COLGALT2: variants seen among roughly 807,000 people sequenced by gnomAD.
COLGALT2 encodes collagen beta(1-O)galactosyltransferase 2, also known as procollagen galactosyltransferase 2.
COLGALT2 carries 49 observed loss-of-function variants against 73.4 expected under a neutral mutation model. That is an observed-to-expected ratio of 0.67 (90% CI 0.53 to 0.85). The LOEUF (loss-of-function observed/expected upper bound fraction) is 0.85, where lower values mean the gene tolerates loss of function less well. Among genes scored for constraint, COLGALT2 ranks in the 40% least tolerant of loss-of-function variants. The probability of loss-of-function intolerance (pLI) is 0.00; values close to 1 mark genes in which losing one functional copy is unlikely to be tolerated. For missense variants in COLGALT2, 722 were observed against 790.2 expected, an observed-to-expected ratio of 0.91 and a Z score of 1.03; for synonymous variants, 295 against 307.6, an observed-to-expected ratio of 0.96 and a Z score of 0.43.
Position 183,963,952 on chromosome 1 carries a change from T to C in COLGALT2, c.901A>G (p.Thr301Ala). ...AGGTTCTCGATGTCTTCCTGCAGTG[T>C]CTGATGGGGCTTCAGGGGGATGGGC... ...YLPIPLKPHQTLQEDIENLIH... is the reference protein window; with the variant it reads ...YLPIPLKPHQALQEDIENLIH... Residue 301 changes from threonine to alanine, a missense_variant, in exon 6 of 12, where the codon ACA becomes GCA. By Grantham distance (58) the Thr-to-Ala change is moderately conservative. Coordinates refer to ENST00000361927, the MANE Select transcript of COLGALT2 (RefSeq NM_015101.4). The C allele has an allele frequency of 6.2e-7, 1 of 1,613,316 alleles. No homozygotes were observed. Among genetic ancestry groups the C allele is most frequent in the Non-Finnish European group, 8.5e-7 (1 of 1,179,586 alleles).
chr1:184,020,467 G>C (rs1649143386), intron 1 of COLGALT2, among the ~76,000 whole-genome samples: 1 of 152,078 alleles, frequency 6.6e-6, no homozygotes, highest in Non-Finnish European at 1.5e-5. Context: ...AGTCCAAAAA[G>C]ACTCAGCCAT....
chr1:184,000,450 A>G (rs552652824), intron 1 of COLGALT2, among the ~76,000 whole-genome samples: 35 of 152,122 alleles, frequency 2.3e-4, no homozygotes, highest in African/African-American at 7.5e-4. Flanking sequence ...TACCCTCTCC[A>G]AATCAATACA....
chr1:183,992,263 T>C (rs768827384), intron 1 of COLGALT2, among the ~76,000 whole-genome samples: 3 of 152,236 alleles, frequency 2.0e-5, no homozygotes, highest in Non-Finnish European at 4.4e-5. Context: ...GTCAGACAGC[T>C]GGACTCATGA....
At chr1:183,963,780 GTAT>G in intron 6 of COLGALT2, 118 bp downstream of exon 6, 1 of 1,017,760 alleles carries the variant, frequency 9.8e-7, no homozygotes, top group Middle Eastern at 3.4e-4. Context: ...AAATAGCTAT[GTAT>G]TCAGCCAGGG....
chr1:184,000,908 C>T (rs1024780140), intron 1 of COLGALT2, among the ~76,000 whole-genome samples: 3 of 149,922 alleles, frequency 2.0e-5, no homozygotes, highest in Non-Finnish European at 4.4e-5. Flanking sequence ...CGGCTCACTG[C>T]AAGCTCTGCC....
Position 184,029,999 on chromosome 1 carries a change from A to T in COLGALT2, c.263+7096T>A, listed in dbSNP as rs1336325745. ...ATATGTATAGAAAGTTTCTAGAAAAATATGAAAGAAAGTGTTAATATTGGT... is the reference window on the plus strand; with the variant it reads ...ATATGTATAGAAAGTTTCTAGAAAATTATGAAAGAAAGTGTTAATATTGGT... On this transcript the variant is annotated intron_variant, in intron 1 of 11. Transcript: ENST00000361927. Among the ~76,000 whole-genome samples the T allele has an allele frequency of 2.6e-5, 4 of 152,240 alleles. No homozygotes were observed. The East Asian group carries it at 7.7e-4, about 29-fold the overall frequency.
At chr1:184,031,687 T>A (rs1649514081) in intron 1 of COLGALT2, among the ~76,000 whole-genome samples, 1 of 152,164 alleles carries the variant, frequency 6.6e-6, no homozygotes, top group South Asian at 2.1e-4. Flanking sequence ...TTATTTATAT[T>A]CTCTGTGCCT....
chr1:184,031,808 C>A (rs563235424), intron 1 of COLGALT2, among the ~76,000 whole-genome samples: 1 of 148,980 alleles, frequency 6.7e-6, no homozygotes, highest in East Asian at 2.0e-4. Context: ...ACAGTGCCTC[C>A]ATGAATGTAT....
rs770952748 is a variant in COLGALT2, at chr1:184,037,166, C to A, written c.192G>T (p.Ala64=). The A allele has an allele frequency of 2.5e-6, 4 of 1,603,786 alleles. No homozygotes were observed. In the African/African-American group the frequency reaches 5.4e-5, roughly 22 times the overall value. ...CGAGGAAGTGCGGCAGCGTGTGCGCCGCGTTGCGGGCGAGGACCGCCACGA... is the reference window on the plus strand; with the variant it reads ...CGAGGAAGTGCGGCAGCGTGTGCGCAGCGTTGCGGGCGAGGACCGCCACGA... ...TVLVAVLARN[A]AHTLPHFLGC... is the part of the protein sequence containing the mutation. The change falls in exon 1 of 12, where the codon GCG becomes GCT. Residue 64 remains alanine (A), a synonymous_variant. Coordinates refer to ENST00000361927, the MANE Select transcript of COLGALT2 (RefSeq NM_015101.4).
chr1:183,997,415 A>T (rs1035523469), intron 1 of COLGALT2, among the ~76,000 whole-genome samples: 4 of 152,152 alleles, frequency 2.6e-5, no homozygotes, highest in Admixed American at 2.0e-4. Context: ...TTCTCGGCCA[A>T]TAATCTCTAG....
intron 1 of COLGALT2, among the ~76,000 whole-genome samples, chr1:183,991,100 C>A (rs193281424): frequency 1.3e-5 from 2 of 152,090 alleles, no homozygotes; most frequent in African/African-American, 4.8e-5. Context: ...GGGTTTTCTG[C>A]GAAAGGTGTG....
At chr1:184,019,125 C>T (rs1558339707) in intron 1 of COLGALT2, among the ~76,000 whole-genome samples, 1 of 152,172 alleles carries the variant, frequency 6.6e-6, no homozygotes, top group Non-Finnish European at 1.5e-5. Context: ...TAGCAACTCA[C>T]TTCTTGGTTG....
intron 1 of COLGALT2, among the ~76,000 whole-genome samples, chr1:184,009,347 T>C (rs1415827668): frequency 6.6e-6 from 1 of 152,228 alleles, no homozygotes; most frequent in Admixed American, 6.5e-5. Context: ...TCAACATAAT[T>C]TCCTTCAATC....
At chr1:184,006,590 A>G (rs71632200) in intron 1 of COLGALT2, among the ~76,000 whole-genome samples, 1 of 131,318 alleles carries the variant, frequency 7.6e-6, no homozygotes, top group African/African-American at 2.9e-5. Context: ...ATCTCAAAAA[A>G]CAATAAAAAT....
chr1:183,964,161 G>GACAT, intron 5 of COLGALT2, 141 bp from the exon 6 acceptor site: 1 of 812,448 alleles, frequency 1.2e-6, no homozygotes, highest in Non-Finnish European at 1.8e-6. Context: ...TATGTCTATA[G>GACAT]ACCTAAAAAA....
chr1:184,026,589 A>G (rs1182036521), intron 1 of COLGALT2, among the ~76,000 whole-genome samples: 1 of 152,174 alleles, frequency 6.6e-6, no homozygotes, highest in Non-Finnish European at 1.5e-5. Flanking sequence ...CTAAAAAGCC[A>G]TATTTTGAGT....
chr1:183,970,554 T>A (rs1671009476), intron 4 of COLGALT2, among the ~76,000 whole-genome samples: 1 of 152,178 alleles, frequency 6.6e-6, no homozygotes, highest in African/African-American at 2.4e-5. Context: ...CTAGCTGAGC[T>A]AACCCTAATG....
chr1:183,959,514 C>T (rs1670639480), intron 6 of COLGALT2, among the ~76,000 whole-genome samples: 1 of 152,128 alleles, frequency 6.6e-6, no homozygotes, highest in South Asian at 2.1e-4. Flanking sequence ...TCATGGACTG[C>T]ATTCAGGTCT....
intron 1 of COLGALT2, among the ~76,000 whole-genome samples, chr1:183,996,578 C>T (rs1055408139): frequency 3.3e-5 from 5 of 152,208 alleles, no homozygotes; most frequent in Admixed American, 2.6e-4. Context: ...GACATTCCTG[C>T]AGGCTCTGTT....
Sources: allele counts gnomAD v4.1 joint callset (sites outside exome capture counted in the v4.1 genomes callset), GRCh38; gene constraint gnomAD v4.1.1; transcripts MANE v1.5; gene names NCBI Gene and HGNC (gene_info 2026-07-23, HGNC 2026-07-21).